The following GPHN variants were observed in gnomAD, a reference collection of about 807,000 sequenced individuals.
GPHN encodes gephyrin.
Under a neutral mutation model 95.5 loss-of-function variants are expected in GPHN, and 17 were observed. That is an observed-to-expected ratio of 0.18 (90% CI 0.12 to 0.27). The LOEUF is 0.27. GPHN is among the 10% of genes least tolerant of loss of function. The probability of loss-of-function intolerance (pLI) is 1.00; values close to 1 mark genes in which losing one functional copy is unlikely to be tolerated. For synonymous variants in GPHN, 320 were observed against 322.5 expected, an observed-to-expected ratio of 0.99 and a Z score of 0.08; for missense variants, 660 against 978.1, an observed-to-expected ratio of 0.67 and a Z score of 4.34.
At chr14:67,430,981 C>T in the GPHN span, among the ~76,000 whole-genome samples, 3 of 152,260 alleles carry the variant, frequency 2.0e-5, no homozygotes, top group South Asian at 6.2e-4. Context: ...AACAACCTGG[C>T]AGGAGAGTCC....
At chr14:66,579,213 ATAAG>A (rs1444118399) in intron 1 of GPHN, among the ~76,000 whole-genome samples, 1 of 151,862 alleles carries the variant, frequency 6.6e-6, no homozygotes, top group African/African-American at 2.4e-5. Flanking sequence ...TACATAGGAG[ATAAG>A]TAAGAAATCA....
the GPHN span, among the ~76,000 whole-genome samples, chr14:67,475,063 A>C: frequency 2.0e-5 from 3 of 151,760 alleles, no homozygotes; most frequent in Non-Finnish European, 4.4e-5. Flanking sequence ...CTACAGGCAC[A>C]CACCATCATG....
the GPHN span, chr14:67,578,540 C>T: frequency 6.2e-7 from 1 of 1,608,118 alleles, no homozygotes; most frequent in Non-Finnish European, 8.5e-7. The surrounding 1 kb of genome is among the most constrained non-coding windows in gnomAD (Gnocchi z 5.0). Context: ...GCAGTGCTGG[C>T]AGCTCCTCGC....
the GPHN span, among the ~76,000 whole-genome samples, chr14:67,463,425 G>T: frequency 6.6e-6 from 1 of 152,056 alleles, no homozygotes; most frequent in African/African-American, 2.4e-5. Context: ...GGATCACAAG[G>T]TCAGGAGATC....
chr14:67,658,909 G>T, the GPHN span, among the ~76,000 whole-genome samples: 1 of 152,200 alleles, frequency 6.6e-6, no homozygotes, highest in African/African-American at 2.4e-5. Context: ...TCGTGAAACA[G>T]GATTTGTTTA....
At chr14:67,020,577 T>C (rs189915972) in intron 9 of GPHN, among the ~76,000 whole-genome samples, 23 of 152,300 alleles carry the variant, frequency 1.5e-4, no homozygotes, top group Admixed American at 2.6e-4. Flanking sequence ...TGTAAACACA[T>C]GTTGAAATGA....
At chr14:66,828,009 AATTAT>A (rs1019959622) in intron 4 of GPHN, among the ~76,000 whole-genome samples, 2 of 151,992 alleles carry the variant, frequency 1.3e-5, no homozygotes, top group African/African-American at 4.8e-5. Flanking sequence ...ACATAGTTAA[AATTAT>A]ATTAGAGGTT....
chr14:67,375,657 A>G, the GPHN span, among the ~76,000 whole-genome samples: 1 of 152,220 alleles, frequency 6.6e-6, no homozygotes, highest in African/African-American at 2.4e-5. Flanking sequence ...ATGTATTTAC[A>G]GTTATGCAGT....
the GPHN span, chr14:67,364,605 TG>T: frequency 1.5e-6 from 1 of 647,748 alleles, no homozygotes; most frequent in Non-Finnish European, 2.5e-6. Context: ...GAACATTATC[TG>T]TTTTCTGGTA....
intron 1 of GPHN, among the ~76,000 whole-genome samples, chr14:66,650,129 G>A (rs1157530467): frequency 1.3e-5 from 2 of 150,622 alleles, no homozygotes; most frequent in African/African-American, 4.9e-5. Flanking sequence ...AGAAAATACC[G>A]AGAGTCTTAC....
downstream of GPHN, among the ~76,000 whole-genome samples, chr14:67,183,372 A>G (rs190257289): frequency 3.1e-4 from 47 of 152,246 alleles, no homozygotes; most frequent in Non-Finnish European, 5.4e-4. Context: ...TAGGCCAGGC[A>G]TTGTCCTAAA....
At chr14:67,147,665 G>A (rs1462363167) in intron 18 of GPHN, among the ~76,000 whole-genome samples, 1 of 152,116 alleles carries the variant, frequency 6.6e-6, no homozygotes, top group South Asian at 2.1e-4. Flanking sequence ...GCCTCCCAAA[G>A]TGCTGGGATT....
chr14:66,787,905 G>T (rs910649259), intron 3 of GPHN, among the ~76,000 whole-genome samples: 1 of 150,396 alleles, frequency 6.6e-6, no homozygotes, highest in African/African-American at 2.4e-5. Flanking sequence ...AAAAGCAAAA[G>T]TCTTTACGAC....
At chr14:67,634,141 C>T in the GPHN span, among the ~76,000 whole-genome samples, 1 of 152,176 alleles carries the variant, frequency 6.6e-6, no homozygotes, top group Non-Finnish European at 1.5e-5. Context: ...TCTCCTGTAA[C>T]TTCATTCACA....
At chr14:67,583,866 C>A in the GPHN span, 6 of 1,613,732 alleles carry the variant, frequency 3.7e-6, no homozygotes, top group Middle Eastern at 5.0e-4. Flanking sequence ...GACATGGGGC[C>A]CCCGCTGAAC....
chr14:67,561,917 C>T, the GPHN span: 3 of 1,328,510 alleles, frequency 2.3e-6, no homozygotes, highest in South Asian at 2.4e-5. Context: ...AACCTGTAGG[C>T]TGGGTGTCCT....
intron 2 of GPHN, among the ~76,000 whole-genome samples, chr14:66,701,382 G>A (rs2068541658): frequency 6.6e-6 from 1 of 152,136 alleles, no homozygotes; most frequent in Admixed American, 6.5e-5. Flanking sequence ...GGCCATGATG[G>A]CTGACTAGAA....
the GPHN span, among the ~76,000 whole-genome samples, chr14:67,532,138 C>T: frequency 6.6e-6 from 1 of 152,126 alleles, no homozygotes; most frequent in Admixed American, 6.5e-5. Context: ...TCACGTTTGG[C>T]CTCCTGCACT....
chr14:67,652,281 AAAG>A, the GPHN span: 2 of 152,428 alleles, frequency 1.3e-5, no homozygotes, highest in Admixed American at 6.5e-5. Flanking sequence ...TATTGTCTTC[AAAG>A]AAGGACTTAT....
Sources: gnomAD v4.1 joint callset for allele counts (sites outside exome capture counted in the v4.1 genomes callset) on GRCh38, gnomAD v4.1.1 for gene constraint, Gnocchi (gnomAD v3.1) non-coding constraint, MANE v1.5 for transcripts, NCBI Gene and HGNC (gene_info 2026-07-23, HGNC 2026-07-21) for gene names.